Variants in EFHD1 observed in about 807,000 individuals in gnomAD.
EFHD1 encodes EF-hand domain family member D1.
Under a neutral mutation model 17.2 loss-of-function variants are expected in EFHD1, and 10 were observed. The ratio of observed to expected loss-of-function variants is 0.58; its 90% confidence interval spans 0.36 to 0.99. EFHD1 has a LOEUF of 0.99. Ranked by LOEUF, EFHD1 falls within the 50% of genes least tolerant of loss-of-function variation. The pLI, the probability that EFHD1 is intolerant of heterozygous loss-of-function variation, is 0.01. For missense variants in EFHD1, 310 were observed against 327.5 expected, an observed-to-expected ratio of 0.95 and a Z score of 0.41; for synonymous variants, 153 against 142.0, an observed-to-expected ratio of 1.08 and a Z score of -0.55.
At chr2:232,612,131 C>T (rs1232268396) in intron 1 of EFHD1, among the ~76,000 whole-genome samples, 1 of 152,174 alleles carries the variant, frequency 6.6e-6, no homozygotes, top group African/African-American at 2.4e-5. Flanking sequence ...GGACTACAGG[C>T]ACCTGCCACT....
At chr2:232,678,269 A>G (rs1443627300) in intron 3 of EFHD1, among the ~76,000 whole-genome samples, 1 of 151,482 alleles carries the variant, frequency 6.6e-6, no homozygotes, top group East Asian at 2.1e-4. Flanking sequence ...CCATCTCAAA[A>G]AGAAAAAAAA....
intron 2 of EFHD1, among the ~76,000 whole-genome samples, chr2:232,671,715 G>A (rs1695070360): frequency 6.8e-6 from 1 of 147,612 alleles, no homozygotes; most frequent in South Asian, 2.2e-4. Flanking sequence ...CAACAAGAGT[G>A]AAACTCCATC....
intron 1 of EFHD1, among the ~76,000 whole-genome samples, chr2:232,661,342 T>C (rs1694864336): frequency 6.6e-6 from 1 of 151,986 alleles, no homozygotes. Context: ...TGGCAACCAA[T>C]CATCCACTTT....
chr2:232,629,564 G>A (rs1466249707), upstream of EFHD1, among the ~76,000 whole-genome samples: 1 of 151,996 alleles, frequency 6.6e-6, no homozygotes. Flanking sequence ...CGCCTCCCGA[G>A]TTCAAGCGAT....
intron 1 of EFHD1, among the ~76,000 whole-genome samples, chr2:232,644,921 C>T (rs1041139485): frequency 3.4e-5 from 5 of 147,458 alleles, no homozygotes; most frequent in East Asian, 2.0e-4. Context: ...GGATTACAGG[C>T]GTGAGCCACC....
chr2:232,637,809 G>A (rs1024288925), intron 1 of EFHD1, among the ~76,000 whole-genome samples: 17 of 152,116 alleles, frequency 1.1e-4, no homozygotes, highest in African/African-American at 4.1e-4. Context: ...TGCTTTGATC[G>A]TTTAAATTTG....
intron 1 of EFHD1, among the ~76,000 whole-genome samples, chr2:232,612,844 T>G (rs1432635984): frequency 6.6e-6 from 1 of 151,216 alleles, no homozygotes; most frequent in Non-Finnish European, 1.5e-5. Context: ...GCAATTCTCC[T>G]GCCTCAGCCT....
At chr2:232,649,090 A>C (rs527784597) in intron 1 of EFHD1, among the ~76,000 whole-genome samples, 1 of 152,338 alleles carries the variant, frequency 6.6e-6, no homozygotes, top group East Asian at 1.9e-4. Context: ...TAGAAAACCA[A>C]GAAAGCCTGG....
At chr2:232,664,342 T>G (rs1694930108) in intron 2 of EFHD1, among the ~76,000 whole-genome samples, 1 of 151,640 alleles carries the variant, frequency 6.6e-6, no homozygotes, top group African/African-American at 2.4e-5. Flanking sequence ...GGTCTTGCTA[T>G]GTTGCCCAGG....
chr2:232,622,529 T>G (rs1694035488), intron 1 of EFHD1, among the ~76,000 whole-genome samples: 1 of 152,134 alleles, frequency 6.6e-6, no homozygotes, highest in Non-Finnish European at 1.5e-5. Context: ...GTTTTATTTA[T>G]TTAGACCCCA....
At chr2:232,622,648 C>T (rs1694038013) in intron 1 of EFHD1, among the ~76,000 whole-genome samples, 1 of 151,918 alleles carries the variant, frequency 6.6e-6, no homozygotes, top group Non-Finnish European at 1.5e-5. Context: ...TAATGGAGGC[C>T]AGAGATGAAG....
Position 232,644,497 on chromosome 2 carries a change from C to G in EFHD1, c.302+10491C>G, listed in dbSNP as rs1694489902. Among the ~76,000 whole-genome samples, 5 of 151,350 alleles carry G rather than the reference C, an allele frequency of 3.3e-5. 1 individual carries two copies. Among genetic ancestry groups the G allele is most frequent in the African/African-American group, 9.7e-5 (4 of 41,200 alleles). On this transcript the variant is annotated intron_variant, in intron 1 of 3. Transcript: ENST00000264059. Reference sequence around the variant, plus strand: ...TTGGGGGGTGTTCAGGGCTGGTTTTCTTTTCTTTTTTTTCAATTTTTTTTT... The same window carrying G: ...TTGGGGGGTGTTCAGGGCTGGTTTTGTTTTCTTTTTTTTCAATTTTTTTTT...
At chr2:232,664,606 G>GTTTTTT (rs57219644) in intron 2 of EFHD1, among the ~76,000 whole-genome samples, 19 of 62,678 alleles carry the variant, frequency 3.0e-4, no homozygotes, top group Non-Finnish European at 4.5e-4. Context: ...CCCCAAAATA[G>GTTTTTT]TTTTTTTTTT....
At position 232,666,179 on chromosome 2, in the gene EFHD1, C is replaced by T. The variant is rs73107656; in HGVS notation, c.450+3230C>T. Among the ~76,000 whole-genome samples, 896 of 152,342 alleles carry T rather than the reference C, an allele frequency of 5.9e-3. 11 individuals are homozygous for T. The highest frequency in any genetic ancestry group is 0.021 in the African/African-American group (861 of 41,578). ...TTTGCTGAACCTGAGATACGATTCACAGGGCTGGGCATGACCCTCTGGATG... is the reference window on the plus strand; with the variant it reads ...TTTGCTGAACCTGAGATACGATTCATAGGGCTGGGCATGACCCTCTGGATG... On this transcript the variant is annotated intron_variant, in intron 2 of 3. Transcript: ENST00000264059.
chr2:232,667,101 C>T (rs906563270), intron 2 of EFHD1, among the ~76,000 whole-genome samples: 16 of 152,174 alleles, frequency 1.1e-4, no homozygotes, highest in African/African-American at 3.9e-4. Flanking sequence ...TGTTCTTGCA[C>T]TTCCAGCTTC....
Position 232,633,665 on chromosome 2 carries a change from TCCCGC to T in EFHD1, c.-39_-35del, listed in dbSNP as rs1300475355. The stretch of plus-strand genomic sequence containing the variant: ...CCGCCCGCCAGCTCCCTGCGTCCCG[TCCCGC>T]GTCCCCGCGTTCCCGCGTCCTGCGA... On this transcript the variant is annotated 5_prime_UTR_variant, in exon 1 of 4. Coordinates refer to ENST00000264059, the MANE Select transcript of EFHD1 (RefSeq NM_025202.4). 7.2e-7 allele frequency: 1 copy of T among 1,391,592 alleles called. No homozygotes were observed. Among genetic ancestry groups the T allele is most frequent in the African/African-American group, 1.5e-5 (1 of 65,940 alleles). The allele number at this position is 1,391,592 out of a possible 1,614,324, so 86.2% of individuals were successfully genotyped here.
At chr2:232,639,336 T>C (rs1694380492) in intron 1 of EFHD1, among the ~76,000 whole-genome samples, 1 of 152,146 alleles carries the variant, frequency 6.6e-6, no homozygotes, top group Non-Finnish European at 1.5e-5. Context: ...TTCAAAGCTG[T>C]AAGGTCCAGG....
upstream of EFHD1, chr2:232,633,282 G>T: frequency 4.7e-6 from 1 of 210,648 alleles, no homozygotes; most frequent in Non-Finnish European, 8.4e-6. Context: ...TGGGGGACAA[G>T]AAAGGCACCG....
intron 1 of EFHD1, among the ~76,000 whole-genome samples, chr2:232,612,170 T>C (rs1003352456): frequency 6.6e-6 from 1 of 152,178 alleles, no homozygotes; most frequent in Non-Finnish European, 1.5e-5. Flanking sequence ...GTTTGTAGCA[T>C]TGCAACTTTG....
Sources: allele counts gnomAD v4.1 joint callset (sites outside exome capture counted in the v4.1 genomes callset), GRCh38; gene constraint gnomAD v4.1.1; transcripts MANE v1.5; gene names NCBI Gene and HGNC (gene_info 2026-07-23, HGNC 2026-07-21).